Variants in WDR27 observed in about 807,000 individuals in gnomAD.
WDR27 encodes the protein WD repeat domain 27, also known as WD repeat-containing protein 27.
Under a neutral mutation model 114.4 loss-of-function variants are expected in WDR27, and 100 were observed. The ratio of observed to expected loss-of-function variants is 0.87; its 90% CI spans 0.74 to 1.03. The LOEUF (loss-of-function observed/expected upper bound fraction) is 1.03, where lower values mean the gene tolerates loss of function less well. Among genes scored for constraint, WDR27 ranks in the 50% least tolerant of loss-of-function variants. The probability of loss-of-function intolerance (pLI) is 0.00; values close to 1 mark genes in which losing one functional copy is unlikely to be tolerated. For missense variants in WDR27, 1,129 were observed against 1,092.9 expected, an observed-to-expected ratio of 1.03 and a Z score of -0.47; for synonymous variants, 449 against 423.1, an observed-to-expected ratio of 1.06 and a Z score of -0.75.
intron 21 of WDR27, among the ~76,000 whole-genome samples, chr6:169,621,704 A>T (rs536244948): frequency 1.3e-5 from 2 of 152,056 alleles, no homozygotes; most frequent in South Asian, 4.2e-4. Context: ...ATACCCACAC[A>T]TGCATTCACG....
intron 22 of WDR27, among the ~76,000 whole-genome samples, 175 bp downstream of exon 22, chr6:169,613,384 C>T (rs1811062466): frequency 1.3e-5 from 2 of 152,188 alleles, no homozygotes; most frequent in South Asian, 4.1e-4. Context: ...GAGACCAGTA[C>T]CTAGTGCTTC....
At chr6:169,571,693 C>T (rs1801452849) in intron 25 of WDR27, among the ~76,000 whole-genome samples, 1 of 152,074 alleles carries the variant, frequency 6.6e-6, no homozygotes, top group Non-Finnish European at 1.5e-5. Flanking sequence ...AATAATTAGT[C>T]GGGGGTGGTG....
At chr6:169,492,521 T>TC (rs1789903484) in intron 25 of WDR27, among the ~76,000 whole-genome samples, 1 of 152,120 alleles carries the variant, frequency 6.6e-6, no homozygotes, top group Non-Finnish European at 1.5e-5. Flanking sequence ...GTTTTTAAAG[T>TC]GTTTATAATA....
intron 1 of WDR27, 96 bp from the exon 2 acceptor site, chr6:169,689,108 C>G: frequency 1.4e-6 from 1 of 711,768 alleles, no homozygotes. Flanking sequence ...TTTGACCACA[C>G]ACATATACCA....
chr6:169,671,991 G>A (rs1183609261), intron 3 of WDR27: 1 of 297,874 alleles, frequency 3.4e-6, no homozygotes, highest in East Asian at 5.5e-5. Flanking sequence ...AATAAAAAGG[G>A]ACATAAGATC....
At chr6:169,552,936 G>A (rs985344235) in intron 25 of WDR27, among the ~76,000 whole-genome samples, 4 of 150,266 alleles carry the variant, frequency 2.7e-5, no homozygotes, top group African/African-American at 4.9e-5. Context: ...AGCGCGGCTC[G>A]CACGCGCTCT....
chr6:169,582,063 TC>T (rs2128140089), intron 24 of WDR27, among the ~76,000 whole-genome samples: 1 of 152,300 alleles, frequency 6.6e-6, no homozygotes, highest in African/African-American at 2.4e-5. Flanking sequence ...AACCGCCGCC[TC>T]CCAGGTTCAA....
intron 21 of WDR27, among the ~76,000 whole-genome samples, chr6:169,615,536 A>C (rs571395558): frequency 2.7e-4 from 41 of 152,346 alleles, no homozygotes; most frequent in African/African-American, 9.9e-4. Context: ...CAATGGGGAA[A>C]GGGCTCCCTA....
At chr6:169,611,906 G>A (rs9383505) in intron 22 of WDR27, among the ~76,000 whole-genome samples, 13,406 of 152,056 alleles carry the variant, frequency 0.088, 1,687 homozygotes, top group East Asian at 0.58. Flanking sequence ...AGGCTGAGGC[G>A]GGTGGATCAC....
intron 25 of WDR27, among the ~76,000 whole-genome samples, chr6:169,555,424 C>T (rs538996833): frequency 5.9e-5 from 9 of 152,136 alleles, no homozygotes; most frequent in African/African-American, 1.4e-4. Context: ...GGAGACCAGG[C>T]GGAAAGGTAG....
chr6:169,678,188 C>T (rs776913552), intron 2 of WDR27, among the ~76,000 whole-genome samples: 3 of 152,208 alleles, frequency 2.0e-5, no homozygotes, highest in Admixed American at 6.5e-5. Flanking sequence ...CTAGAAAAGC[C>T]GTAGGCACTC....
At chr6:169,435,775 A>T in the WDR27 span, among the ~76,000 whole-genome samples, 1 of 152,128 alleles carries the variant, frequency 6.6e-6, no homozygotes, top group African/African-American at 2.4e-5. Context: ...GAGACTTTGG[A>T]CTGTGGTCTT....
At chr6:169,440,129 TAATA>T in the WDR27 span, among the ~76,000 whole-genome samples, 14 of 152,220 alleles carry the variant, frequency 9.2e-5, no homozygotes, top group South Asian at 2.7e-3. Flanking sequence ...AGGCCAAATC[TAATA>T]AATCTGAATT....
chr6:169,643,826 C>T (rs771396944), intron 16 of WDR27, 40 bp from the exon 17 acceptor site: 1 of 1,542,974 alleles, frequency 6.5e-7, no homozygotes, highest in South Asian at 1.2e-5. Flanking sequence ...TTAGAAAAGC[C>T]TAATTCATAG....
chr6:169,451,028 T>C, the WDR27 span, among the ~76,000 whole-genome samples: 3 of 152,180 alleles, frequency 2.0e-5, no homozygotes, highest in South Asian at 6.2e-4. Flanking sequence ...GCTACAAAGA[T>C]AAAAACGCTG....
At chr6:169,631,898 A>C (rs942404544) in intron 21 of WDR27, among the ~76,000 whole-genome samples, 1 of 152,176 alleles carries the variant, frequency 6.6e-6, no homozygotes, top group African/African-American at 2.4e-5. Flanking sequence ...AAAAGACTCA[A>C]AATGTGGGCC....
the WDR27 span, among the ~76,000 whole-genome samples, chr6:169,438,068 A>G: frequency 1.3e-5 from 2 of 152,054 alleles, no homozygotes; most frequent in African/African-American, 4.8e-5. Flanking sequence ...ACCCCCAAGT[A>G]GTCTGCAGTG....
chr6:169,620,817 C>T (rs146624904), intron 21 of WDR27, among the ~76,000 whole-genome samples: 6 of 152,226 alleles, frequency 3.9e-5, no homozygotes, highest in African/African-American at 7.2e-5. Context: ...ACCCCTCCAC[C>T]GGCTTCACCA....
In WDR27 at chr6:169,658,371, C is replaced by G. The variant is rs376964832; in HGVS notation, c.1320-13G>C. The G allele has an allele frequency of 6.3e-7, 1 of 1,583,110 alleles. No homozygotes were observed. The highest frequency in any genetic ancestry group is 2.3e-5 in the East Asian group (1 of 43,628). On this transcript the variant is annotated splice_polypyrimidine_tract_variant and intron_variant, in intron 12 of 25. Transcript: ENST00000448612. ...TAGGACACAGGAGCTGAAACAGAAA[C>G]AAGCCCCATGAAACTAGGAGCGCAA...
Sources: allele counts gnomAD v4.1 joint callset (sites outside exome capture counted in the v4.1 genomes callset), GRCh38; gene constraint gnomAD v4.1.1; transcripts MANE v1.5; gene names NCBI Gene and HGNC (gene_info 2026-07-23, HGNC 2026-07-21).